Variants in TMC2 observed in about 807,000 individuals in gnomAD.
TMC2 encodes the protein transmembrane channel like 2, also known as transmembrane channel-like protein 2.
TMC2 carries 102 observed loss-of-function variants against 105.9 expected under a neutral mutation model. The ratio of observed to expected loss-of-function variants is 0.96; its 90% confidence interval spans 0.82 to 1.14. The LOEUF (loss-of-function observed/expected upper bound fraction) is 1.14, where lower values mean the gene tolerates loss of function less well. Among genes scored for constraint, TMC2 ranks in the 50% most tolerant of loss-of-function variants. The pLI, the probability that TMC2 is intolerant of heterozygous loss-of-function variation, is 0.00. For missense variants in TMC2, 1,093 were observed against 1,134.3 expected (o/e 0.96, Z 0.52); for synonymous variants, 402 against 422.8 (o/e 0.95, Z 0.60).
chr20:2,571,725 G>A (rs935242146), intron 4 of TMC2, among the ~76,000 whole-genome samples: 1 of 152,210 alleles, frequency 6.6e-6, no homozygotes, highest in Admixed American at 6.5e-5. Context: ...TCTTGGCCGG[G>A]CATGGTGGTT....
At chr20:2,632,564 T>C (rs954538654) in intron 17 of TMC2, among the ~76,000 whole-genome samples, 17 of 152,038 alleles carry the variant, frequency 1.1e-4, no homozygotes, top group Non-Finnish European at 2.4e-4. Flanking sequence ...TTTCTTTGTA[T>C]GTCTTACTAG....
intron 17 of TMC2, among the ~76,000 whole-genome samples, chr20:2,626,776 T>C (rs1286402505): frequency 2.0e-5 from 3 of 152,230 alleles, no homozygotes; most frequent in Admixed American, 2.0e-4. Context: ...GCCTACAGTG[T>C]TTACCAATTC....
intron 4 of TMC2, among the ~76,000 whole-genome samples, chr20:2,567,819 T>C (rs1276577146): frequency 6.6e-6 from 1 of 152,170 alleles, no homozygotes; most frequent in Non-Finnish European, 1.5e-5. Context: ...CTGGAAATTT[T>C]AGAAGTAAAA....
rs954265615 is a variant in TMC2, at chr20:2,616,337, T to A, written c.1940+133T>A. 2 of 728,790 alleles carry A rather than the reference T, an allele frequency of 2.7e-6. No homozygotes were observed. The highest frequency in any genetic ancestry group is 3.5e-5 in the African/African-American group (2 of 57,256). 45.1% of individuals were successfully genotyped at this position (728,790 alleles called of 1,614,324 possible). On this transcript the variant is annotated intron_variant, in intron 15 of 19. Transcript: ENST00000358864. The surrounding 1 kb of genome is among the most constrained non-coding windows in gnomAD (Gnocchi z 4.8). ...CCTCTCTGAACTCCCCTCTTTCACA[T>A]GAAAAATCAAGAGCGGGACTAGATG...
At chr20:2,621,786 T>G (rs1159464063) in intron 16 of TMC2, among the ~76,000 whole-genome samples, 1 of 152,244 alleles carries the variant, frequency 6.6e-6, no homozygotes, top group Non-Finnish European at 1.5e-5. Flanking sequence ...AGTTTATAAC[T>G]GTTATCCTAT....
chr20:2,617,555 A>T (rs766036447), intron 16 of TMC2: 14 of 536,808 alleles, frequency 2.6e-5, no homozygotes, highest in Non-Finnish European at 4.6e-5. Context: ...TGAAATGAGG[A>T]ACTGAGAAAA....
chr20:2,626,104 G>C (rs2086562699), intron 17 of TMC2, among the ~76,000 whole-genome samples: 1 of 149,526 alleles, frequency 6.7e-6, no homozygotes, highest in Non-Finnish European at 1.5e-5. Context: ...TTCCCCAAAG[G>C]GATGGGTTTT....
chr20:2,563,327 T>C (rs1256852500), intron 4 of TMC2, among the ~76,000 whole-genome samples: 1 of 152,150 alleles, frequency 6.6e-6, no homozygotes, highest in Non-Finnish European at 1.5e-5. Context: ...ATCTCCTATA[T>C]GGCTGCAAGA....
At chr20:2,609,477 AGT>A (rs146076258) in intron 11 of TMC2, among the ~76,000 whole-genome samples, 16,667 of 152,158 alleles carry the variant, frequency 0.11, 2,608 homozygotes, top group African/African-American at 0.35. Context: ...AGGGGATTGC[AGT>A]TTCCTTAGGA....
In TMC2 at chr20:2,637,513, A is replaced by C; in HGVS notation, c.2425A>C (p.Lys809Gln). The change falls in exon 19 of 20, where the codon AAA becomes CAA. Residue 809 changes from lysine (K) to glutamine (Q), a missense_variant. By Grantham distance (53) the Lys-to-Gln change is moderately conservative (BLOSUM62 1). Coordinates refer to ENST00000358864, the MANE Select transcript of TMC2 (RefSeq NM_080751.3). ...VEKSHKSVKG[K>Q]ATARDSEDTP... ...GAAGAGTCACAAATCTGTAAAAGGC[A>C]AAGCCACAGCCAGAGATTCAGAGGA... 1 of 1,614,138 alleles carries C rather than the reference A, an allele frequency of 6.2e-7. No individual in the cohort carries two copies. The highest frequency in any genetic ancestry group is 1.3e-5 in the African/African-American group (1 of 75,046).
At position 2,592,407 on chromosome 20, in the gene TMC2, A is replaced by T. The variant is rs767473458; in HGVS notation, c.932A>T (p.Glu311Val). ...GATTTTTCTGTCCTTTGGGATTTTGAGGTACTATTGTCAACATGCCAATGA... is the reference window on the plus strand; with the variant it reads ...GATTTTTCTGTCCTTTGGGATTTTGTGGTACTATTGTCAACATGCCAATGA... ...AMDFSVLWDF[E>V]GYIKYSALFY... Residue 311 changes from glutamate (E) to valine (V), a missense_variant and splice_region_variant, in exon 8 of 20, where the codon GAG becomes GTG. By Grantham distance (121) the Glu-to-Val change is moderately radical. Coordinates refer to ENST00000358864, the MANE Select transcript of TMC2 (RefSeq NM_080751.3). The surrounding 1 kb of genome is among the most constrained non-coding windows in gnomAD (Gnocchi z 4.9). 6.2e-7 allele frequency: 1 copy of T among 1,605,740 alleles called. No homozygotes were observed. The highest frequency in any genetic ancestry group is 1.1e-5 in the South Asian group (1 of 90,890).
chr20:2,545,920 TGAAA>T (rs755029898), intron 2 of TMC2, among the ~76,000 whole-genome samples: 97 of 130,946 alleles, frequency 7.4e-4, no homozygotes, highest in South Asian at 2.3e-3. Context: ...AAGAAAGAAA[TGAAA>T]GAAAGAAAGA....
intron 9 of TMC2, among the ~76,000 whole-genome samples, chr20:2,596,717 A>G (rs199656167): frequency 7.5e-4 from 110 of 146,208 alleles, no homozygotes; most frequent in African/African-American, 1.3e-3. Flanking sequence ...AAAAATATAT[A>G]TGTGTGTGTG....
chr20:2,620,670 G>A (rs1044873084), intron 16 of TMC2, among the ~76,000 whole-genome samples: 1 of 152,138 alleles, frequency 6.6e-6, no homozygotes, highest in Non-Finnish European at 1.5e-5. Context: ...GAATTCTGTG[G>A]CGGGAAACAG....
chr20:2,626,845 A>T (rs1568529714), intron 17 of TMC2, among the ~76,000 whole-genome samples: 1 of 152,218 alleles, frequency 6.6e-6, no homozygotes, highest in East Asian at 1.9e-4. Context: ...AAATGAAGAC[A>T]AAGAAAAAAA....
rs1201811462 is a variant in TMC2 at position 2,641,140 on chromosome 20, C to T, written c.2510C>T (p.Thr837Ile). 5.6e-6 allele frequency: 9 copies of T among 1,614,004 alleles called. No individual in the cohort carries two copies. Among genetic ancestry groups the T allele is most frequent in the South Asian group, 1.1e-5 (1 of 91,088 alleles). The change falls in exon 20 of 20, where the codon ACT becomes ATT. Residue 837 changes from threonine to isoleucine, a missense_variant. Coordinates refer to ENST00000358864, the MANE Select transcript of TMC2 (RefSeq NM_080751.3). ...TQLQLTKEET[T>I]PPSASQSQAM... ...GTCTTGGTTCGTTTTCCAGAGACCACTCCTCCCTCTGCCAGCCAAAGCCAG... is the reference window on the plus strand; with the variant it reads ...GTCTTGGTTCGTTTTCCAGAGACCATTCCTCCCTCTGCCAGCCAAAGCCAG...
chr20:2,617,111 T>A lies in TMC2; in HGVS notation c.1980T>A (p.Asn660Lys). 1 of 1,614,216 alleles carries A rather than the reference T, an allele frequency of 6.2e-7. No homozygotes were observed. Among genetic ancestry groups the A allele is most frequent in the Non-Finnish European group, 8.5e-7 (1 of 1,180,024 alleles). The change falls in exon 16 of 20, where the codon AAT becomes AAA. Residue 660 changes from asparagine to lysine, a missense_variant. Asn to Lys is a moderately conservative substitution (Grantham distance 94, BLOSUM62 0). Coordinates refer to ENST00000358864, the MANE Select transcript of TMC2 (RefSeq NM_080751.3). ...SFYAPGLVGI[N>K]VLRLLTSMYF... Reference sequence around the variant, plus strand: ...ATGCTCCAGGCCTGGTGGGCATTAATGTGCTGCGCCTGCTGACCTCCATGT... The same window carrying A: ...ATGCTCCAGGCCTGGTGGGCATTAAAGTGCTGCGCCTGCTGACCTCCATGT...
intron 2 of TMC2, among the ~76,000 whole-genome samples, chr20:2,557,078 T>C (rs1253580457): frequency 6.6e-6 from 1 of 152,234 alleles, no homozygotes; most frequent in Admixed American, 6.5e-5. Flanking sequence ...GCATTTATCC[T>C]GCTTGATGTT....
intron 5 of TMC2, among the ~76,000 whole-genome samples, chr20:2,578,084 G>A (rs749479947): frequency 6.6e-6 from 1 of 152,134 alleles, no homozygotes; most frequent in Non-Finnish European, 1.5e-5. Context: ...ACTTTGGGAG[G>A]TCGAGGCGGG....
Sources: allele counts gnomAD v4.1 joint callset (sites outside exome capture counted in the v4.1 genomes callset), GRCh38; gene constraint gnomAD v4.1.1; non-coding constraint Gnocchi (gnomAD v3.1); transcripts MANE v1.5; gene names NCBI Gene and HGNC (gene_info 2026-07-23, HGNC 2026-07-21).